METAP1D: variants seen among roughly 807,000 people sequenced by gnomAD.
The protein encoded by METAP1D is methionyl aminopeptidase type 1D, mitochondrial.
Under a neutral mutation model 40.5 loss-of-function variants are expected in METAP1D, and 31 were observed. That is an observed-to-expected ratio of 0.77 (90% CI 0.58 to 1.03). The LOEUF (loss-of-function observed/expected upper bound fraction) is 1.03, where lower values mean the gene tolerates loss of function less well. Among genes scored for constraint, METAP1D ranks in the 50% least tolerant of loss-of-function variants. The probability of loss-of-function intolerance (pLI) is 0.00; values close to 1 mark genes in which losing one functional copy is unlikely to be tolerated. For missense variants in METAP1D, 411 were observed against 420.7 expected (o/e 0.98, Z 0.20); for synonymous variants, 151 against 146.4 (o/e 1.03, Z -0.22).
Position 172,079,217 on chromosome 2 carries a change from AACG to A in METAP1D, c.808_810del (p.Asp270del). 2 of 1,613,812 alleles carry A rather than the reference AACG, an allele frequency of 1.2e-6. No individual in the cohort carries two copies. The highest frequency in any genetic ancestry group is 1.7e-6 in the Non-Finnish European group (2 of 1,179,946). On this transcript the variant is annotated inframe_deletion, in exon 8 of 10. Transcript: ENST00000315796. ...CCCCCATGTTTTTTGTTTTGCAGCA[AACG>A]ACAGTGATCTACCCATGGAGGAGGG... is the stretch of plus-strand genomic sequence containing the variant.
intron 1 of METAP1D, among the ~76,000 whole-genome samples, chr2:172,051,832 T>A (rs1407994491): frequency 6.6e-6 from 1 of 152,200 alleles, no homozygotes; most frequent in Admixed American, 6.5e-5. Flanking sequence ...CAGTCCTACC[T>A]TAATATGAGA....
intron 1 of METAP1D, among the ~76,000 whole-genome samples, chr2:172,059,808 T>G (rs956978525): frequency 6.6e-6 from 1 of 152,168 alleles, no homozygotes; most frequent in African/African-American, 2.4e-5. Flanking sequence ...CCCAGCACTT[T>G]GGGAGACCAA....
intron 3 of METAP1D, 118 bp from the exon 4 acceptor site, chr2:172,065,486 A>T: frequency 2.0e-6 from 2 of 1,006,766 alleles, no homozygotes; most frequent in South Asian, 3.3e-5. Context: ...TTGTACCATA[A>T]CTTTATCATA....
chr2:172,001,142 AT>A (rs199953051), intron 1 of METAP1D, among the ~76,000 whole-genome samples: 11 of 149,234 alleles, frequency 7.4e-5, no homozygotes, highest in East Asian at 3.9e-4. Flanking sequence ...CATGACTCTA[AT>A]TTTTTTTTTT....
intron 1 of METAP1D, among the ~76,000 whole-genome samples, chr2:172,015,999 G>A (rs1688842592): frequency 6.7e-6 from 1 of 149,576 alleles, no homozygotes; most frequent in South Asian, 2.1e-4. Flanking sequence ...GCTCATGCCT[G>A]TAATCTTAAC....
chr2:172,013,684 T>TGA (rs1284631264), intron 1 of METAP1D, among the ~76,000 whole-genome samples: 1 of 152,022 alleles, frequency 6.6e-6, no homozygotes, highest in South Asian at 2.1e-4. Context: ...AGGCCACATG[T>TGA]GAGAGAATAG....
chr2:172,042,299 GTACATATA>G (rs1345620113), intron 1 of METAP1D, among the ~76,000 whole-genome samples: 1 of 29,050 alleles, frequency 3.4e-5, no homozygotes, highest in Non-Finnish European at 6.7e-5. Flanking sequence ...GTGTACATGT[GTACATATA>G]TACATATATA....
intron 1 of METAP1D, among the ~76,000 whole-genome samples, chr2:172,018,599 C>G (rs927773027): frequency 6.6e-6 from 1 of 152,068 alleles, no homozygotes; most frequent in Non-Finnish European, 1.5e-5. Flanking sequence ...AAAACACTCT[C>G]AAGAGAGAAT....
intron 1 of METAP1D, among the ~76,000 whole-genome samples, 195 bp downstream of exon 1, chr2:172,000,204 T>G (rs1043316681): frequency 6.6e-6 from 1 of 152,236 alleles, no homozygotes; most frequent in Admixed American, 6.5e-5. Context: ...ATTTGTTCAC[T>G]GATCACCCGC....
At chr2:172,024,430 C>T (rs1217495411) in intron 1 of METAP1D, among the ~76,000 whole-genome samples, 1 of 152,042 alleles carries the variant, frequency 6.6e-6, no homozygotes. Flanking sequence ...AGCATGGAGG[C>T]CCAGGGGGTC....
At chr2:172,059,187 C>T (rs1399540236) in intron 1 of METAP1D, among the ~76,000 whole-genome samples, 1 of 151,620 alleles carries the variant, frequency 6.6e-6, no homozygotes, top group Non-Finnish European at 1.5e-5. Context: ...TGGCTCACTG[C>T]ACCCTCTGCC....
Position 172,046,268 on chromosome 2 carries a change from CT to C in METAP1D, c.41-15221del, listed in dbSNP as rs576814858. ...ATTCTCTAGTTTTAGTTTTCAAGGACTTTTTTTTTCATTTTAGCTGTCTGGA... is the reference window on the plus strand; with the variant it reads ...ATTCTCTAGTTTTAGTTTTCAAGGACTTTTTTTTCATTTTAGCTGTCTGGA... On this transcript the variant is annotated intron_variant, in intron 1 of 9. Coordinates refer to ENST00000315796, the MANE Select transcript of METAP1D (RefSeq NM_199227.3). Among the ~76,000 whole-genome samples the C allele has an allele frequency of 2.7e-5, 4 of 150,350 alleles. No homozygotes were observed. The South Asian group carries it at 6.3e-4, about 24-fold the overall frequency.
In METAP1D at chr2:172,016,300, A is replaced by AAAAAAAT. The variant is rs1553490378; in HGVS notation, c.40+16292_40+16293insAAAAATA. 2.2e-3 allele frequency among the ~76,000 whole-genome samples: 87 copies of AAAAAAAT among 40,030 alleles called. 4 individuals carry two copies. Among genetic ancestry groups the AAAAAAAT allele is most frequent in the African/African-American group, 2.8e-3 (33 of 11,618 alleles). The allele number at this position is 40,030 out of a possible 152,430, so 26.3% of individuals were successfully genotyped here. A position where few individuals can be genotyped will look rare whatever the true frequency, so the allele number is the denominator to read the frequency against. Reference sequence around the variant, plus strand: ...CAAAAAAAAAAAAAAAAAAAAAAAAAATATATATATATATATATATATATA... The same window carrying AAAAAAAT: ...CAAAAAAAAAAAAAAAAAAAAAAAAAAAAAAATATATATATATATATATATATATATA... On this transcript the variant is annotated intron_variant, in intron 1 of 9. Transcript: ENST00000315796.
At chr2:172,048,024 G>A (rs928967008) in intron 1 of METAP1D, among the ~76,000 whole-genome samples, 3 of 152,146 alleles carry the variant, frequency 2.0e-5, no homozygotes, top group African/African-American at 7.2e-5. Context: ...TAGGCTGTCC[G>A]TAATTCATCC....
In METAP1D at chr2:172,080,341, G is replaced by T; in HGVS notation, c.943G>T (p.Glu315Ter). ...SLDNQRSAQF[E>*]HTVLITSRGA... ...GCTGTGTTACAGGTCGGCGCAGTTCGAGCACACGGTTCTGATCACGTCGAG... is the reference window on the plus strand; with the variant it reads ...GCTGTGTTACAGGTCGGCGCAGTTCTAGCACACGGTTCTGATCACGTCGAG... The change falls in exon 10 of 10, where the codon GAG becomes TAG. Residue 315 changes from glutamate to a stop codon, truncating the protein, a stop_gained. Coordinates refer to ENST00000315796, the MANE Select transcript of METAP1D (RefSeq NM_199227.3). LOFTEE classifies it high-confidence loss of function. The T allele has an allele frequency of 6.2e-7, 1 of 1,614,054 alleles. No individual in the cohort carries two copies. The highest frequency in any genetic ancestry group is 8.5e-7 in the Non-Finnish European group (1 of 1,179,920).
chr2:172,017,295 A>G (rs1188268736), intron 1 of METAP1D, among the ~76,000 whole-genome samples: 1 of 151,160 alleles, frequency 6.6e-6, no homozygotes, highest in African/African-American at 2.4e-5. Context: ...ATACACATAT[A>G]TAAAACCTTT....
intron 1 of METAP1D, among the ~76,000 whole-genome samples, chr2:172,013,768 A>AT (rs1558993946): frequency 6.6e-6 from 1 of 151,618 alleles, no homozygotes; most frequent in African/African-American, 2.4e-5. Flanking sequence ...CTGATGAAGC[A>AT]TTTTTTCCAA....
At chr2:172,060,657 A>G (rs1194242250) in intron 1 of METAP1D, among the ~76,000 whole-genome samples, 3 of 152,166 alleles carry the variant, frequency 2.0e-5, no homozygotes, top group African/African-American at 7.2e-5. Context: ...ATGATGATTT[A>G]GCCTATTCTT....
intron 1 of METAP1D, among the ~76,000 whole-genome samples, chr2:172,034,110 T>C (rs1300497744): frequency 6.6e-6 from 1 of 151,578 alleles, no homozygotes; most frequent in African/African-American, 2.4e-5. Context: ...TCCTCATCTT[T>C]TGGATGTACA....
Sources: gnomAD v4.1 joint callset for allele counts (sites outside exome capture counted in the v4.1 genomes callset) on GRCh38, gnomAD v4.1.1 for gene constraint, MANE v1.5 for transcripts, NCBI Gene and HGNC (gene_info 2026-07-23, HGNC 2026-07-21) for gene names.